The following MEOX2 variants were observed in gnomAD, a reference collection of about 807,000 sequenced individuals.
MEOX2 encodes the protein mesenchyme homeobox 2.
A neutral mutation model predicts 27.0 loss-of-function variants in MEOX2; 11 were observed. The observed-to-expected ratio is 0.41, with a 90% CI of 0.26 to 0.68. The LOEUF (loss-of-function observed/expected upper bound fraction) is 0.68, where lower values mean the gene tolerates loss of function less well. MEOX2 is among the 30% of genes least tolerant of loss of function. MEOX2 has a pLI of 0.33. For missense variants in MEOX2, 436 were observed against 385.4 expected (o/e 1.13, Z -1.10); for synonymous variants, 189 against 155.4 (o/e 1.22, Z -1.61).
chr7:15,642,652 C>A (rs374911502), intron 1 of MEOX2, among the ~76,000 whole-genome samples: 214 of 152,296 alleles, frequency 1.4e-3, no homozygotes, highest in South Asian at 0.013. Context: ...AAAGAACTAA[C>A]ATGGTCCTTT....
At chr7:15,612,659 A>G in intron 2 of MEOX2, 48 bp from the exon 3 acceptor site, 1 of 1,554,352 alleles carries the variant, frequency 6.4e-7, no homozygotes, top group Admixed American at 1.7e-5. Flanking sequence ...GAGATAATTA[A>G]AGTGACATTT....
chr7:15,677,741 T>C (rs1782222943), intron 1 of MEOX2: 1 of 152,198 alleles, frequency 6.6e-6, no homozygotes, highest in African/African-American at 2.4e-5. Flanking sequence ...TCCTGTGGTT[T>C]CCCTACATTC....
chr7:15,686,662 G>T lies in MEOX2; in HGVS notation c.-260C>A, dbSNP rs551907889. On this transcript the variant is annotated 5_prime_UTR_variant, in exon 1 of 3. Coordinates refer to ENST00000262041, the MANE Select transcript of MEOX2 (RefSeq NM_005924.5). ...TGGGAGAGGTTGAAGCCAAAAGAAG[G>T]TGGTCCCAGAGAACTGCTTTCAGGG... 1 of 501,348 alleles carries T rather than the reference G, an allele frequency of 2.0e-6. No individual in the cohort carries two copies. The highest frequency in any genetic ancestry group is 1.9e-5 in the African/African-American group (1 of 52,390). 31.1% of individuals were successfully genotyped at this position (501,348 alleles called of 1,614,324 possible). A position where few individuals can be genotyped will look rare whatever the true frequency, so the allele number is the denominator to read the frequency against.
chr7:15,615,670 A>G (rs911408893), intron 2 of MEOX2, among the ~76,000 whole-genome samples: 6 of 152,038 alleles, frequency 3.9e-5, no homozygotes, highest in African/African-American at 1.2e-4. Context: ...TGTGAATTTG[A>G]GAAAATTTTA....
intron 2 of MEOX2, among the ~76,000 whole-genome samples, chr7:15,619,979 C>T (rs1052765005): frequency 2.6e-5 from 4 of 151,992 alleles, no homozygotes; most frequent in African/African-American, 9.7e-5. Flanking sequence ...TGTATCATAA[C>T]CTTTTTTGTG....
In MEOX2 at chr7:15,685,806, G is replaced by A. The variant is rs1048643929; in HGVS notation, c.517+80C>T. On this transcript the variant is annotated intron_variant, in intron 1 of 2. Coordinates refer to ENST00000262041, the MANE Select transcript of MEOX2 (RefSeq NM_005924.5). ...CCATCTTCCCTGCTGCCACCCTCCAGTGCGAGAATCTCCCCTAGTATCTCT... is the reference window on the plus strand; with the variant it reads ...CCATCTTCCCTGCTGCCACCCTCCAATGCGAGAATCTCCCCTAGTATCTCT... 1.3e-5 allele frequency: 19 copies of A among 1,497,324 alleles called. No homozygotes were observed. The African/African-American group carries it at 2.1e-4, about 17-fold the overall frequency. 92.8% of individuals were successfully genotyped at this position (1,497,324 alleles called of 1,614,324 possible). A position where few individuals can be genotyped will look rare whatever the true frequency, so the allele number is the denominator to read the frequency against.
At chr7:15,630,931 C>A (rs1342184067) in intron 1 of MEOX2, among the ~76,000 whole-genome samples, 2 of 151,882 alleles carry the variant, frequency 1.3e-5, no homozygotes, top group Admixed American at 1.3e-4. Context: ...CAACCTTCTC[C>A]AGGAGTTCTT....
At chr7:15,683,772 G>A (rs1013786309) in intron 1 of MEOX2, among the ~76,000 whole-genome samples, 7 of 152,102 alleles carry the variant, frequency 4.6e-5, no homozygotes, top group Non-Finnish European at 8.8e-5. Flanking sequence ...ACATATCAAA[G>A]GAAAGAAAAG....
chr7:15,618,668 T>G (rs939286115), intron 2 of MEOX2, among the ~76,000 whole-genome samples: 6 of 151,894 alleles, frequency 4.0e-5, no homozygotes, highest in Non-Finnish European at 7.4e-5. Context: ...CAATCTAAAT[T>G]TATATTCTGA....
In MEOX2 at chr7:15,628,886, C is replaced by T. The variant is rs757683008; in HGVS notation, c.518-1968G>A. 9.9e-5 allele frequency among the ~76,000 whole-genome samples: 15 copies of T among 152,196 alleles called. No individual in the cohort carries two copies. In the South Asian group the frequency reaches 1.2e-3, roughly 13 times the overall value. On this transcript the variant is annotated intron_variant, in intron 1 of 2. Transcript: ENST00000262041. ...GCAGCCTGCAAACTCAGTCACAGTACAGAATATTCAGATAGCAAGACCTTC... is the reference window on the plus strand; with the variant it reads ...GCAGCCTGCAAACTCAGTCACAGTATAGAATATTCAGATAGCAAGACCTTC...
At chr7:15,625,323 C>A (rs1781286366) in intron 2 of MEOX2, among the ~76,000 whole-genome samples, 1 of 152,082 alleles carries the variant, frequency 6.6e-6, no homozygotes. Context: ...AAATGTTGAA[C>A]CCATAGAGGG....
chr7:15,672,926 T>C (rs1180479499), intron 1 of MEOX2, among the ~76,000 whole-genome samples: 1 of 151,156 alleles, frequency 6.6e-6, no homozygotes, highest in African/African-American at 2.4e-5. Context: ...AAAGAAAGTA[T>C]CCATAAATAT....
intron 1 of MEOX2, among the ~76,000 whole-genome samples, chr7:15,667,340 A>C (rs999829925): frequency 1.4e-5 from 2 of 145,878 alleles, no homozygotes; most frequent in East Asian, 4.4e-4. Context: ...AGAGGAGTTG[A>C]GGCAGCTGCC....
chr7:15,615,457 C>T (rs1036348554), intron 2 of MEOX2, among the ~76,000 whole-genome samples: 15 of 151,770 alleles, frequency 9.9e-5, no homozygotes, highest in African/African-American at 1.9e-4. Flanking sequence ...AGTATGTGGA[C>T]GCCATCCATG....
At chr7:15,633,111 A>G (rs996325952) in intron 1 of MEOX2, among the ~76,000 whole-genome samples, 16 of 151,934 alleles carry the variant, frequency 1.1e-4, no homozygotes, top group African/African-American at 3.9e-4. Flanking sequence ...ATGTCACTGT[A>G]CGGATGCTTT....
intron 1 of MEOX2, among the ~76,000 whole-genome samples, chr7:15,643,725 G>T (rs75009653): frequency 6.6e-6 from 1 of 152,216 alleles, no homozygotes; most frequent in South Asian, 2.1e-4. Context: ...GTGCCCAGCC[G>T]CTGTGCCCCT....
Position 15,665,803 on chromosome 7 carries a change from G to A in MEOX2, c.517+20083C>T, listed in dbSNP as rs544265673. 1.1e-3 allele frequency among the ~76,000 whole-genome samples: 163 copies of A among 152,264 alleles called. 1 individual carries two copies. The highest frequency in any genetic ancestry group is 3.7e-3 in the African/African-American group (152 of 41,542). On this transcript the variant is annotated intron_variant, in intron 1 of 2. Coordinates refer to ENST00000262041, the MANE Select transcript of MEOX2 (RefSeq NM_005924.5). ...TATCTTTACCCTTATTGCTGAAAGCGCGCAGCTGAATAATCCTCAAAGGTA... is the reference window on the plus strand; with the variant it reads ...TATCTTTACCCTTATTGCTGAAAGCACGCAGCTGAATAATCCTCAAAGGTA...
At chr7:15,622,123 C>A (rs1404789619) in intron 2 of MEOX2, among the ~76,000 whole-genome samples, 1 of 152,050 alleles carries the variant, frequency 6.6e-6, no homozygotes, top group Non-Finnish European at 1.5e-5. Context: ...TCTCAAAAAA[C>A]AAACACACAA....
intron 1 of MEOX2, among the ~76,000 whole-genome samples, chr7:15,672,468 C>A (rs757595536): frequency 2.6e-5 from 4 of 152,168 alleles, no homozygotes; most frequent in Non-Finnish European, 5.9e-5. Flanking sequence ...AGACATCTTA[C>A]CTTTGAAATT....
Sources: gnomAD v4.1 joint callset for allele counts (sites outside exome capture counted in the v4.1 genomes callset) on GRCh38, gnomAD v4.1.1 for gene constraint, MANE v1.5 for transcripts, NCBI Gene and HGNC (gene_info 2026-07-23, HGNC 2026-07-21) for gene names.